The following DNAH11 variants were observed in gnomAD, a reference collection of about 807,000 sequenced individuals.
The protein encoded by DNAH11 is axonemal beta dynein heavy chain 11.
DNAH11 carries 442 observed loss-of-function variants against 526.0 expected under a neutral mutation model. The ratio of observed to expected loss-of-function variants is 0.84; its 90% confidence interval spans 0.78 to 0.91. The LOEUF is 0.91. Among genes scored for constraint, DNAH11 ranks in the 40% least tolerant of loss-of-function variants. DNAH11 has a pLI of 0.00. For synonymous variants in DNAH11, 2,461 were observed against 1,935.9 expected (o/e 1.27, Z -7.12); for missense variants, 6,989 against 5,448.7 (o/e 1.28, Z -8.90).
At chr7:21,618,242 A>C (rs1193991506) in intron 23 of DNAH11, 3 of 153,138 alleles carry the variant, frequency 2.0e-5, no homozygotes, top group Non-Finnish European at 4.4e-5. Flanking sequence ...CACATCCCTG[A>C]AATCCACTTG....
intron 73 of DNAH11, among the ~76,000 whole-genome samples, chr7:21,872,334 C>T (rs780310944): frequency 5.9e-5 from 9 of 151,996 alleles, no homozygotes; most frequent in Non-Finnish European, 8.8e-5. Flanking sequence ...ATGTGAATGA[C>T]TGAGTGGGCT....
rs183987715 is a variant in DNAH11, at chr7:21,727,338, A to G, written c.7440+1354A>G. ...AAAGTTTGTGAGTTTGTAAAAATTG[A>G]AGGCATATTTCTGTTCAGTGATTGT... is the stretch of plus-strand genomic sequence containing the variant. On this transcript the variant is annotated intron_variant, in intron 45 of 81. Transcript: ENST00000409508. 1.3e-4 allele frequency among the ~76,000 whole-genome samples: 20 copies of G among 152,330 alleles called. No individual in the cohort carries two copies. The East Asian group carries it at 3.9e-3, about 29-fold the overall frequency.
At chr7:21,567,421 C>T (rs1224720087) in intron 6 of DNAH11, among the ~76,000 whole-genome samples, 4 of 152,162 alleles carry the variant, frequency 2.6e-5, no homozygotes, top group Non-Finnish European at 5.9e-5. Context: ...TCAGCTCATT[C>T]GGCCCAAGGA....
intron 35 of DNAH11, among the ~76,000 whole-genome samples, chr7:21,691,983 T>C (rs138081239): frequency 1.1e-4 from 16 of 152,366 alleles, no homozygotes; most frequent in African/African-American, 3.8e-4. Context: ...TCAAAAGTAC[T>C]CTGCCAATGT....
intron 20 of DNAH11, among the ~76,000 whole-genome samples, chr7:21,607,803 T>G (rs1785355516): frequency 6.6e-6 from 1 of 151,772 alleles, no homozygotes; most frequent in Non-Finnish European, 1.5e-5. Flanking sequence ...CTGGGCATGG[T>G]GGTGGGTGCC....
chr7:21,791,560 G>T (rs1476196453), intron 61 of DNAH11, among the ~76,000 whole-genome samples: 1 of 152,168 alleles, frequency 6.6e-6, no homozygotes, highest in African/African-American at 2.4e-5. Context: ...GAGCATCTTG[G>T]TGCCTGTATG....
intron 66 of DNAH11, among the ~76,000 whole-genome samples, chr7:21,844,752 C>G (rs1021788174): frequency 2.0e-5 from 3 of 152,224 alleles, no homozygotes; most frequent in African/African-American, 7.2e-5. Flanking sequence ...TCATGTTTTA[C>G]TAAGCCATGC....
At chr7:21,631,147 C>T (rs1191373608) in intron 25 of DNAH11, among the ~76,000 whole-genome samples, 1 of 152,134 alleles carries the variant, frequency 6.6e-6, no homozygotes, top group Non-Finnish European at 1.5e-5. Context: ...AGGCAATCTC[C>T]CCTTTCTAAA....
chr7:21,670,002 GT>G (rs975835881), intron 30 of DNAH11, among the ~76,000 whole-genome samples: 5 of 152,002 alleles, frequency 3.3e-5, no homozygotes, highest in African/African-American at 1.2e-4. Context: ...CCCCAAGATT[GT>G]TTTGACTGTT....
chr7:21,688,849 G>A (rs185393710), intron 34 of DNAH11, among the ~76,000 whole-genome samples: 25 of 152,310 alleles, frequency 1.6e-4, no homozygotes, highest in African/African-American at 5.8e-4. Context: ...AGTATAGTAT[G>A]CAGCACAATT....
intron 61 of DNAH11, among the ~76,000 whole-genome samples, chr7:21,798,209 C>G (rs1413667108): frequency 6.6e-6 from 1 of 152,194 alleles, no homozygotes; most frequent in Non-Finnish European, 1.5e-5. Flanking sequence ...AATTCTTGTG[C>G]CTCAGCCTCC....
At chr7:21,883,337 A>C (rs924885015) in intron 75 of DNAH11, among the ~76,000 whole-genome samples, 1 of 152,272 alleles carries the variant, frequency 6.6e-6, no homozygotes, top group East Asian at 1.9e-4. Context: ...AACCCAGAAG[A>C]AGCTAAAGTA....
At chr7:21,811,974 G>C (rs924747231) in intron 63 of DNAH11, among the ~76,000 whole-genome samples, 2 of 152,148 alleles carry the variant, frequency 1.3e-5, no homozygotes, top group African/African-American at 4.8e-5. Context: ...CACCATCATG[G>C]GGGGTGGGGA....
chr7:21,820,068 C>A (rs913140389), intron 65 of DNAH11, among the ~76,000 whole-genome samples: 1 of 152,190 alleles, frequency 6.6e-6, no homozygotes, highest in Non-Finnish European at 1.5e-5. Flanking sequence ...TGAATCTCAA[C>A]TCTCTATCAT....
chr7:21,892,900 C>G (rs1284022203), intron 77 of DNAH11, among the ~76,000 whole-genome samples: 1 of 152,146 alleles, frequency 6.6e-6, no homozygotes, highest in African/African-American at 2.4e-5. Flanking sequence ...TCTATCATCA[C>G]AGATTAGCTT....
chr7:21,816,470 T>A lies in DNAH11; in HGVS notation c.10336T>A (p.Ser3446Thr). 6.2e-7 allele frequency: 1 copy of A among 1,600,014 alleles called. No individual in the cohort carries two copies. Among genetic ancestry groups the A allele is most frequent in the Non-Finnish European group, 8.5e-7 (1 of 1,173,372 alleles). The change falls in exon 64 of 82, where the codon TCC becomes ACC. Residue 3446 changes from serine (S) to threonine (T), a missense_variant. Transcript: ENST00000409508. ...GCATTCAACTCTGATTTTAAAGGTT[T>A]CCATTCCACTAACCGAAGGCCTGGA... The part of the protein sequence containing the change: ...KWVPFLQQKV[S>T]IPLTEGLDLI...
chr7:21,863,344 T>C (rs967963924), intron 69 of DNAH11, among the ~76,000 whole-genome samples: 1 of 152,344 alleles, frequency 6.6e-6, no homozygotes. Context: ...TTTTGTTTGT[T>C]TTGAGACGGA....
At chr7:21,846,116 C>G (rs1021027922) in intron 66 of DNAH11, among the ~76,000 whole-genome samples, 6 of 152,156 alleles carry the variant, frequency 3.9e-5, no homozygotes, top group Non-Finnish European at 7.4e-5. Context: ...TTATTAGTTG[C>G]AAGAGGCCTT....
chr7:21,576,043 C>T (rs1784082814), intron 8 of DNAH11, among the ~76,000 whole-genome samples: 1 of 152,144 alleles, frequency 6.6e-6, no homozygotes, highest in African/African-American at 2.4e-5. Flanking sequence ...CCAGTAAGTG[C>T]AACTAAAACA....
Sources: gnomAD v4.1 joint callset for allele counts (sites outside exome capture counted in the v4.1 genomes callset) on GRCh38, gnomAD v4.1.1 for gene constraint, MANE v1.5 for transcripts, NCBI Gene and HGNC (gene_info 2026-07-23, HGNC 2026-07-21) for gene names.